SYN3: variants seen among roughly 807,000 people sequenced by gnomAD.
SYN3 encodes the protein synapsin-3.
In SYN3, 35 loss-of-function variants were observed where a neutral mutation model predicts 65.8. That is an observed-to-expected ratio of 0.53 (90% CI 0.41 to 0.70). The LOEUF is 0.70. Ranked by LOEUF, SYN3 falls within the 30% of genes least tolerant of loss-of-function variation. The pLI is 0.00. For missense variants in SYN3, 680 were observed against 749.0 expected, an observed-to-expected ratio of 0.91 and a Z score of 1.08; for synonymous variants, 270 against 292.9, an observed-to-expected ratio of 0.92 and a Z score of 0.80.
rs56358526 is a variant in SYN3 at position 32,872,660 on chromosome 22, G to A, written c.462-3535C>T. Among the ~76,000 whole-genome samples the A allele has an allele frequency of 3.1e-3, 466 of 152,320 alleles. 1 individual carries two copies. Among genetic ancestry groups the A allele is most frequent in the African/African-American group, 0.011 (457 of 41,570 alleles). ...TGAAAGTCTAGGGTATGATGGATAT[G>A]CAATGACTATAGAGAAATTACTGAC... On this transcript the variant is annotated intron_variant, in intron 4 of 13. Coordinates refer to ENST00000358763, the MANE Select transcript of SYN3 (RefSeq NM_003490.4).
At chr22:32,736,806 A>C (rs1388326581) in intron 6 of SYN3, among the ~76,000 whole-genome samples, 1 of 152,202 alleles carries the variant, frequency 6.6e-6, no homozygotes, top group Non-Finnish European at 1.5e-5. Context: ...CTAAGGGCTC[A>C]GATTCCTAGC....
chr22:32,873,805 T>A (rs559909737), intron 4 of SYN3, among the ~76,000 whole-genome samples: 1 of 152,058 alleles, frequency 6.6e-6, no homozygotes, highest in East Asian at 1.9e-4. Context: ...GGAAAAGAGA[T>A]AAGGAGGGAG....
intron 12 of SYN3, among the ~76,000 whole-genome samples, chr22:32,521,687 T>C (rs1282543787): frequency 6.6e-6 from 1 of 152,032 alleles, no homozygotes; most frequent in Non-Finnish European, 1.5e-5. Flanking sequence ...ACCTTGTGAT[T>C]CGCCCACCTC....
At position 32,510,982 on chromosome 22, in the gene SYN3, G is replaced by GGTGTGTGT. The variant is rs199663400; in HGVS notation, c.*2709_*2710insACACACAC. 6.9e-3 allele frequency among the ~76,000 whole-genome samples: 705 copies of GGTGTGTGT among 102,356 alleles called. 8 individuals carry two copies. Among genetic ancestry groups the GGTGTGTGT allele is most frequent in the African/African-American group, 0.027 (631 of 23,002 alleles). The allele number at this position is 102,356 out of a possible 152,430, so 67.1% of individuals were successfully genotyped here. On this transcript the variant is annotated 3_prime_UTR_variant, in exon 14 of 14. Coordinates refer to ENST00000358763, the MANE Select transcript of SYN3 (RefSeq NM_003490.4). ...TTTGTCAATTCCAAGTTATTGTCCA[G>GGTGTGTGT]GCGTGTGTGTGTGTGTGTGTGTGTG...
chr22:33,007,999 C>T (rs1042184051), intron 1 of SYN3, among the ~76,000 whole-genome samples: 1 of 151,748 alleles, frequency 6.6e-6, no homozygotes, highest in Admixed American at 6.6e-5. Flanking sequence ...TGCAGTGGCA[C>T]GATCTTGGCT....
At chr22:32,754,080 G>A (rs1287909894) in intron 6 of SYN3, among the ~76,000 whole-genome samples, 1 of 152,162 alleles carries the variant, frequency 6.6e-6, no homozygotes, top group Non-Finnish European at 1.5e-5. Context: ...TGGGCCTTTG[G>A]ACGACTACTC....
chr22:32,521,330 C>CTGTT (rs1157282490), intron 12 of SYN3, among the ~76,000 whole-genome samples: 2 of 152,104 alleles, frequency 1.3e-5, no homozygotes, highest in African/African-American at 4.8e-5. Context: ...AAGGAAGCCG[C>CTGTT]TGTTAGTAAC....
chr22:33,016,245 A>G (rs1232630459), intron 1 of SYN3, among the ~76,000 whole-genome samples: 1 of 152,242 alleles, frequency 6.6e-6, no homozygotes, highest in Non-Finnish European at 1.5e-5. Context: ...TTCAAGGTTC[A>G]CTACAAAACA....
At chr22:32,671,303 C>T (rs1601882577) in intron 6 of SYN3, among the ~76,000 whole-genome samples, 1 of 151,904 alleles carries the variant, frequency 6.6e-6, no homozygotes, top group Admixed American at 6.5e-5. Context: ...CAGACACGCA[C>T]ACATTCACAC....
At chr22:32,834,858 G>A (rs551943827) in intron 6 of SYN3, among the ~76,000 whole-genome samples, 3 of 152,330 alleles carry the variant, frequency 2.0e-5, no homozygotes, top group East Asian at 1.9e-4. Context: ...GACCTAGTTT[G>A]TGGAACAGTC....
At chr22:32,930,809 C>A (rs963992544) in intron 4 of SYN3, among the ~76,000 whole-genome samples, 2 of 152,124 alleles carry the variant, frequency 1.3e-5, no homozygotes, top group Non-Finnish European at 2.9e-5. Flanking sequence ...ACATTCTTGT[C>A]ATTTTTGGCT....
chr22:32,890,691 T>A (rs1033831995), intron 4 of SYN3, among the ~76,000 whole-genome samples: 8 of 152,198 alleles, frequency 5.3e-5, no homozygotes, highest in African/African-American at 1.4e-4. Context: ...ATTTAGCACA[T>A]TTTTAACCTG....
At chr22:32,733,866 G>T (rs1421393583) in intron 6 of SYN3, among the ~76,000 whole-genome samples, 2 of 152,244 alleles carry the variant, frequency 1.3e-5, no homozygotes, top group East Asian at 3.9e-4. Flanking sequence ...ACAAGGAGGG[G>T]CATTATAGGA....
At chr22:32,749,652 C>T (rs1414550713) in intron 6 of SYN3, among the ~76,000 whole-genome samples, 2 of 152,086 alleles carry the variant, frequency 1.3e-5, no homozygotes, top group African/African-American at 2.4e-5. Context: ...ACAACAACAA[C>T]AACAACAAAA....
intron 6 of SYN3, among the ~76,000 whole-genome samples, chr22:32,603,930 A>C (rs908797541): frequency 5.9e-5 from 9 of 152,212 alleles, no homozygotes; most frequent in African/African-American, 2.2e-4. Context: ...GAAAACAGAG[A>C]TCCCCACCCA....
At chr22:32,792,345 A>G (rs923795732) in intron 6 of SYN3, among the ~76,000 whole-genome samples, 2 of 152,190 alleles carry the variant, frequency 1.3e-5, no homozygotes, top group Non-Finnish European at 2.9e-5. Flanking sequence ...AGATCGTTAA[A>G]TCCAACCCAC....
intron 4 of SYN3, among the ~76,000 whole-genome samples, chr22:32,887,651 G>T (rs1361977238): frequency 6.6e-6 from 1 of 152,166 alleles, no homozygotes; most frequent in East Asian, 1.9e-4. Context: ...AAGCTGATAA[G>T]TTTGTAGACA....
At chr22:33,045,103 A>T (rs2054036857) in intron 1 of SYN3, among the ~76,000 whole-genome samples, 1 of 152,186 alleles carries the variant, frequency 6.6e-6, no homozygotes, top group Non-Finnish European at 1.5e-5. Flanking sequence ...TTGGCCTCCC[A>T]AAGTGCTGGG....
At chr22:32,595,278 C>G (rs2059183235) in intron 7 of SYN3, among the ~76,000 whole-genome samples, 1 of 152,176 alleles carries the variant, frequency 6.6e-6, no homozygotes, top group Non-Finnish European at 1.5e-5. Flanking sequence ...GGTTGGGTGG[C>G]TCACAGCCAT....
Sources: gnomAD v4.1 joint callset for allele counts (sites outside exome capture counted in the v4.1 genomes callset) on GRCh38, gnomAD v4.1.1 for gene constraint, MANE v1.5 for transcripts, NCBI Gene and HGNC (gene_info 2026-07-23, HGNC 2026-07-21) for gene names.